PIK3R2: variants seen among roughly 807,000 people sequenced by gnomAD.
PIK3R2 encodes the protein phosphoinositide-3-kinase regulatory subunit 2.
PIK3R2 carries 40 observed loss-of-function variants against 78.5 expected under a neutral mutation model. That is an observed-to-expected ratio of 0.51 (90% CI 0.40 to 0.66). The LOEUF (loss-of-function observed/expected upper bound fraction) is 0.66, where lower values mean the gene tolerates loss of function less well. Among genes scored for constraint, PIK3R2 ranks in the 30% least tolerant of loss-of-function variants. The pLI, the probability that PIK3R2 is intolerant of heterozygous loss-of-function variation, is 0.00. For synonymous variants in PIK3R2, 473 were observed against 457.7 expected (o/e 1.03, Z -0.43); for missense variants, 880 against 1,026.6 (o/e 0.86, Z 1.95).
chr19:18,163,438 G>T, intron 11 of PIK3R2, 50 bp downstream of exon 11: 3 of 1,608,018 alleles, frequency 1.9e-6, no homozygotes, highest in Non-Finnish European at 2.6e-6. Flanking sequence ...AGGGGCAGTG[G>T]CAAGGCCGGG....
Position 18,168,145 on chromosome 19 carries a change from G to A in PIK3R2, c.1737-330G>A, listed in dbSNP as rs896266420. Among the ~76,000 whole-genome samples the A allele has an allele frequency of 3.9e-5, 6 of 152,290 alleles. No individual in the cohort carries two copies. The highest frequency in any genetic ancestry group is 5.9e-5 in the Non-Finnish European group (4 of 68,032). ...GCTGGGGAGACTGAGGCACAGAACC[G>A]ACAGCTGCCCTGTGCAAAGGCCAGC... On this transcript the variant is annotated intron_variant, in intron 13 of 15. Transcript: ENST00000222254. The surrounding 1 kb of genome is among the most constrained non-coding windows in gnomAD (Gnocchi z 4.1).
rs1230715472 is a variant in PIK3R2 at position 18,169,321 on chromosome 19, C to G, written c.*27C>G. On this transcript the variant is annotated 3_prime_UTR_variant, in exon 16 of 16. Coordinates refer to ENST00000222254, the MANE Select transcript of PIK3R2 (RefSeq NM_005027.4). Reference sequence around the variant, plus strand: ...CACCGAGGACCCGCCCCAAGCAGAGCCGCCCCTGGGCCCGTCTGCGCCGGA... The same window carrying G: ...CACCGAGGACCCGCCCCAAGCAGAGGCGCCCCTGGGCCCGTCTGCGCCGGA... The G allele has an allele frequency of 7.4e-7, 1 of 1,351,808 alleles. No individual in the cohort carries two copies. 83.7% of individuals were successfully genotyped at this position (1,351,808 alleles called of 1,614,324 possible).
intron 2 of PIK3R2, among the ~76,000 whole-genome samples, chr19:18,157,893 C>T (rs1004555971): frequency 6.6e-6 from 1 of 152,208 alleles, no homozygotes; most frequent in Non-Finnish European, 1.5e-5. Flanking sequence ...CCAATGGTGG[C>T]AGACAGCGAG....
chr19:18,169,943 T>C lies in PIK3R2; in HGVS notation c.*649T>C. 5.4e-6 allele frequency: 1 copy of C among 184,616 alleles called. No individual in the cohort carries two copies. The allele number at this position is 184,616 out of a possible 1,614,324, so 11.4% of individuals were successfully genotyped here. The stretch of plus-strand genomic sequence containing the variant: ...AAACTCGCAGGCCAGGCACGGTGGC[T>C]CATGCCTGTAATCCCAGCACTTTGG... On this transcript the variant is annotated 3_prime_UTR_variant, in exon 16 of 16. Coordinates refer to ENST00000222254, the MANE Select transcript of PIK3R2 (RefSeq NM_005027.4).
Position 18,163,053 on chromosome 19 carries a change from T to C in PIK3R2, c.1196T>C (p.Val399Ala), listed in dbSNP as rs772791006. 1.2e-6 allele frequency: 2 copies of C among 1,613,088 alleles called. No individual in the cohort carries two copies. The highest frequency in any genetic ancestry group is 1.7e-5 in the Admixed American group (1 of 59,838). ...GAGCCACTCACCTTCTGCTCCGTTGTGGACCTCATCAATCACTACCGCCAC... is the reference window on the plus strand; with the variant it reads ...GAGCCACTCACCTTCTGCTCCGTTGCGGACCTCATCAATCACTACCGCCAC... ...FSEPLTFCSV[V>A]DLINHYRHES... is the part of the protein sequence containing the mutation. Residue 399 changes from valine to alanine, a missense_variant, in exon 10 of 16, where the codon GTG (valine) becomes GCG (alanine). Coordinates refer to ENST00000222254, the MANE Select transcript of PIK3R2 (RefSeq NM_005027.4).
intron 1 of PIK3R2, among the ~76,000 whole-genome samples, chr19:18,153,822 C>A (rs558658594): frequency 6.6e-6 from 1 of 152,132 alleles, no homozygotes; most frequent in Non-Finnish European, 1.5e-5. Context: ...CACACCGGGG[C>A]GTGGGGGCGG....
intron 12 of PIK3R2, 127 bp downstream of exon 12, chr19:18,166,429 G>T: frequency 1.3e-6 from 1 of 768,438 alleles, no homozygotes; most frequent in Non-Finnish European, 2.1e-6. Flanking sequence ...ATGGACTTTG[G>T]GCCTGGTGCG....
chr19:18,157,782 A>C (rs1223157768), intron 2 of PIK3R2, among the ~76,000 whole-genome samples: 1 of 120,452 alleles, frequency 8.3e-6, no homozygotes, highest in Admixed American at 1.1e-4. Context: ...GCCTTTCTCC[A>C]GCTTGAGGCG....
intron 2 of PIK3R2, among the ~76,000 whole-genome samples, chr19:18,159,258 T>C (rs2043715174): frequency 6.7e-6 from 1 of 150,308 alleles, no homozygotes. Flanking sequence ...CCCAAAGTGT[T>C]GAGATTACAG....
chr19:18,163,418 C>T lies in PIK3R2; in HGVS notation c.1416+30C>T, dbSNP rs370462538. 5.5e-5 allele frequency: 88 copies of T among 1,612,976 alleles called. No homozygotes were observed. The African/African-American group carries it at 8.0e-4, about 15-fold the overall frequency. ...TCCAGGCCCCGTACATGAGGGAAAC[C>T]GAGACATAGAGGGGCAGTGGCAAGG... On this transcript the variant is annotated intron_variant, in intron 11 of 15. Transcript: ENST00000222254.
rs775332269 is a variant in PIK3R2 at position 18,167,278 on chromosome 19, C to T, written c.1708C>T (p.Leu570=). Reference sequence around the variant, plus strand: ...CAGCCTCAAGCCGGACCTCATGCAGCTGCGCAAGATCCGAGACCAGTACCT... The same window carrying T: ...CAGCCTCAAGCCGGACCTCATGCAGTTGCGCAAGATCCGAGACCAGTACCT... The part of the protein sequence containing the change: ...MNSLKPDLMQ[L]RKIRDQYLVW... The change falls in exon 13 of 16, where the codon CTG becomes TTG. Residue 570 remains leucine (L), a synonymous_variant. Coordinates refer to ENST00000222254, the MANE Select transcript of PIK3R2 (RefSeq NM_005027.4). The surrounding 1 kb of genome is among the most constrained non-coding windows in gnomAD (Gnocchi z 4.5). 2 of 1,606,500 alleles carry T rather than the reference C, an allele frequency of 1.2e-6. No individual in the cohort carries two copies. The highest frequency in any genetic ancestry group is 8.5e-7 in the Non-Finnish European group (1 of 1,176,714).
Position 18,169,267 on chromosome 19 carries a change from C to A in PIK3R2, c.2160C>A (p.Gly720=). ...TGGCGCACCCAGTGCGCGCCCCGGG[C>A]CCCGGCCCGCCGCCTGCCGCCCGCT... ...VTLAHPVRAP[G]PGPPPAAR The change falls in exon 16 of 16, where the codon GGC becomes GGA. Residue 720 remains glycine (G), a synonymous_variant. Coordinates refer to ENST00000222254, the MANE Select transcript of PIK3R2 (RefSeq NM_005027.4). 1 of 1,522,274 alleles carries A rather than the reference C, an allele frequency of 6.6e-7. No individual in the cohort carries two copies. The highest frequency in any genetic ancestry group is 8.8e-7 in the Non-Finnish European group (1 of 1,141,834). 94.3% of individuals were successfully genotyped at this position (1,522,274 alleles called of 1,614,324 possible).
intron 11 of PIK3R2, 79 bp from the exon 12 acceptor site, chr19:18,166,081 G>A: frequency 1.9e-6 from 3 of 1,574,112 alleles, no homozygotes; most frequent in Non-Finnish European, 2.6e-6. Flanking sequence ...CTCCGTATCA[G>A]AGTTGAGATG....
chr19:18,163,479 G>A lies in PIK3R2; in HGVS notation c.1416+91G>A, dbSNP rs909236315. On this transcript the variant is annotated intron_variant, in intron 11 of 15. Coordinates refer to ENST00000222254, the MANE Select transcript of PIK3R2 (RefSeq NM_005027.4). ...GATGACCAACCCCAGAGGACTTGAG[G>A]ATGAATATCCAGTTGCAGGTCACAG... The A allele has an allele frequency of 3.0e-4, 416 of 1,404,998 alleles. 1 individual carries two copies. The highest frequency in any genetic ancestry group is 3.8e-4 in the Non-Finnish European group (388 of 1,008,120). The allele number at this position is 1,404,998 out of a possible 1,614,324, so 87.0% of individuals were successfully genotyped here.
rs1400217412 is a variant in PIK3R2 at position 18,162,026 on chromosome 19, G to A, written c.876G>A (p.Leu292=). The part of the protein sequence containing the change: ...LLVEKLLQEH[L]EEQEVAPPAL... ...TGGAGAAGCTGCTTCAGGAACACTT[G>A]GAAGAGCAGGAGGTTGCGCCCCCAG... The change falls in exon 7 of 16, where the codon TTG becomes TTA. Residue 292 remains leucine, a synonymous_variant. Coordinates refer to ENST00000222254, the MANE Select transcript of PIK3R2 (RefSeq NM_005027.4). 6.2e-7 allele frequency: 1 copy of A among 1,613,942 alleles called. No homozygotes were observed.
Position 18,169,028 on chromosome 19 carries a change from C to A in PIK3R2, c.1980-59C>A, listed in dbSNP as rs529936145. 4.4e-6 allele frequency: 7 copies of A among 1,576,644 alleles called. No homozygotes were observed. In the East Asian group the frequency reaches 1.4e-4, roughly 30 times the overall value. On this transcript the variant is annotated intron_variant, in intron 15 of 15. Coordinates refer to ENST00000222254, the MANE Select transcript of PIK3R2 (RefSeq NM_005027.4). ...GACAGGGGAGCACGCGGCCCTGGAA[C>A]GGGGAAAGCTTGGCGGGGAGGCCAG...
At chr19:18,166,798 C>T (rs2043814888) in intron 12 of PIK3R2, among the ~76,000 whole-genome samples, 1 of 151,598 alleles carries the variant, frequency 6.6e-6, no homozygotes, top group Non-Finnish European at 1.5e-5. Flanking sequence ...TGCACAGGCT[C>T]AGAGGCTGGA....
rs373112291 is a variant in PIK3R2, at chr19:18,167,316, G to A, written c.1736+10G>A. The A allele has an allele frequency of 5.1e-6, 8 of 1,566,022 alleles. No individual in the cohort carries two copies. Among genetic ancestry groups the A allele is most frequent in the African/African-American group, 2.8e-5 (2 of 72,596 alleles). On this transcript the variant is annotated intron_variant, in intron 13 of 15. Transcript: ENST00000222254. The surrounding 1 kb of genome is among the most constrained non-coding windows in gnomAD (Gnocchi z 4.5). The stretch of plus-strand genomic sequence containing the variant: ...GAGACCAGTACCTCGTGTAAGTGGC[G>A]GCTCCATACTTCCCTGCGGCTCCCT...
chr19:18,165,362 C>CAAAAAAAA (rs33933785), intron 11 of PIK3R2, among the ~76,000 whole-genome samples: 1 of 81,016 alleles, frequency 1.2e-5, no homozygotes, highest in Non-Finnish European at 2.3e-5. Context: ...GACTCCGTCT[C>CAAAAAAAA]AAAAAAAAAA....
Sources: gnomAD v4.1 joint callset for allele counts (sites outside exome capture counted in the v4.1 genomes callset) on GRCh38, gnomAD v4.1.1 for gene constraint, Gnocchi (gnomAD v3.1) non-coding constraint, MANE v1.5 for transcripts, NCBI Gene and HGNC (gene_info 2026-07-23, HGNC 2026-07-21) for gene names.